PCDHA5: variants seen among roughly 807,000 people sequenced by gnomAD.
PCDHA5 encodes protocadherin alpha-5.
A neutral mutation model predicts 61.6 loss-of-function variants in PCDHA5; 43 were observed. That is an observed-to-expected ratio of 0.70 (90% CI 0.55 to 0.90). PCDHA5 has a LOEUF of 0.90. Among genes scored for constraint, PCDHA5 ranks in the 40% least tolerant of loss-of-function variants. The pLI, the probability that PCDHA5 is intolerant of heterozygous loss-of-function variation, is 0.00. For synonymous variants in PCDHA5, 627 were observed against 543.9 expected, an observed-to-expected ratio of 1.15 and a Z score of -2.13; for missense variants, 1,298 against 1,222.7, an observed-to-expected ratio of 1.06 and a Z score of -0.92.
Position 141,011,530 on chromosome 5 carries a change from T to A in PCDHA5, c.*1593T>A, listed in dbSNP as rs1427621980. 1 of 153,810 alleles carries A rather than the reference T, an allele frequency of 6.5e-6. No individual in the cohort carries two copies. The highest frequency in any genetic ancestry group is 1.5e-5 in the Non-Finnish European group (1 of 68,042). The allele number at this position is 153,810 out of a possible 1,614,324, so 9.5% of individuals were successfully genotyped here. A position where few individuals can be genotyped will look rare whatever the true frequency, so the allele number is the denominator to read the frequency against. On this transcript the variant is annotated 3_prime_UTR_variant, in exon 4 of 4. Coordinates refer to ENST00000529859, the MANE Select transcript of PCDHA5 (RefSeq NM_018908.3). ...TGGAGTAGTGTTTTTTTAACCATTG[T>A]TAATCAGCTTTTGTGTATGAAAGAC...
At chr5:140,862,045 A>T (rs544547077) in intron 1 of PCDHA5, 1 of 155,812 alleles carries the variant, frequency 6.4e-6, no homozygotes, top group South Asian at 2.0e-4. Context: ...AAACCGTCAC[A>T]TTGTTTCTTT....
intron 1 of PCDHA5, among the ~76,000 whole-genome samples, chr5:140,960,271 CA>C (rs1193468231): frequency 2.0e-5 from 3 of 152,182 alleles, no homozygotes; most frequent in Non-Finnish European, 4.4e-5. Flanking sequence ...TAAATTCCGT[CA>C]CCTTTTTGGG....
intron 1 of PCDHA5, among the ~76,000 whole-genome samples, chr5:140,933,313 C>T (rs977318847): frequency 3.9e-5 from 6 of 151,916 alleles, no homozygotes; most frequent in African/African-American, 1.4e-4. Context: ...TATGCAATCT[C>T]GTATTCTCCT....
chr5:140,891,009 A>AT (rs35053611), intron 1 of PCDHA5, among the ~76,000 whole-genome samples: 3 of 152,052 alleles, frequency 2.0e-5, no homozygotes, highest in East Asian at 3.9e-4. Context: ...ATTGAAAAGC[A>AT]TTTTTTCTGA....
chr5:140,831,524 T>G lies in PCDHA5; in HGVS notation c.2352+7397T>G, dbSNP rs1771606843. ...GAGCACCACCATGCCCCCCACCTTT[T>G]TTTTTTTTTTTTTTTTTTTTAAGAG... On this transcript the variant is annotated intron_variant, in intron 1 of 3. Coordinates refer to ENST00000529859, the MANE Select transcript of PCDHA5 (RefSeq NM_018908.3). Among the ~76,000 whole-genome samples, 5 of 26,740 alleles carry G rather than the reference T, an allele frequency of 1.9e-4. No individual in the cohort carries two copies. The South Asian group carries it at 4.8e-3, about 26-fold the overall frequency. 17.5% of individuals were successfully genotyped at this position (26,740 alleles called of 152,430 possible).
At chr5:140,882,988 G>A (rs782434208) in intron 1 of PCDHA5, 4 of 1,614,080 alleles carry the variant, frequency 2.5e-6, no homozygotes, top group Non-Finnish European at 3.4e-6. Context: ...ACAACGCCCC[G>A]GAATTTTACC....
Position 140,998,756 on chromosome 5 carries a change from G to A in PCDHA5, c.2501-10871G>A, listed in dbSNP as rs78235138. Among the ~76,000 whole-genome samples, 197 of 152,232 alleles carry A rather than the reference G, an allele frequency of 1.3e-3. 4 individuals carry two copies. In the East Asian group the frequency reaches 0.035, roughly 27 times the overall value. On this transcript the variant is annotated intron_variant, in intron 3 of 3. Coordinates refer to ENST00000529859, the MANE Select transcript of PCDHA5 (RefSeq NM_018908.3). Reference sequence around the variant, plus strand: ...ATTTTGTATTTTTAGAAGAGACACAGTTTCACTATGTTGGTCAGGCTGGTC... The same window carrying A: ...ATTTTGTATTTTTAGAAGAGACACAATTTCACTATGTTGGTCAGGCTGGTC...
chr5:140,904,265 T>C (rs2070995327), intron 1 of PCDHA5, among the ~76,000 whole-genome samples: 1 of 152,118 alleles, frequency 6.6e-6, no homozygotes, highest in Non-Finnish European at 1.5e-5. Context: ...CTCCCACTTA[T>C]GAATGAGAAC....
At chr5:140,986,532 C>G (rs1298199477) in intron 3 of PCDHA5, among the ~76,000 whole-genome samples, 2 of 152,184 alleles carry the variant, frequency 1.3e-5, no homozygotes, top group Non-Finnish European at 2.9e-5. Context: ...GGGAACTGGC[C>G]TGGCTTCAGT....
At chr5:140,829,920 A>G in intron 1 of PCDHA5, 2 of 1,613,998 alleles carry the variant, frequency 1.2e-6, no homozygotes, top group Non-Finnish European at 1.7e-6. Context: ...CTTTCGTATG[A>G]GCTGCAGCCC....
intron 3 of PCDHA5, among the ~76,000 whole-genome samples, chr5:140,993,523 CAGAG>C (rs111789518): frequency 3.4e-5 from 5 of 145,668 alleles, no homozygotes; most frequent in South Asian, 2.2e-4. Flanking sequence ...GAGAGAGAGA[CAGAG>C]AGAGAGAGAG....
intron 1 of PCDHA5, chr5:140,863,482 A>C (rs2048042905): frequency 4.3e-6 from 2 of 466,950 alleles, no homozygotes; most frequent in East Asian, 1.2e-4. Context: ...TCGCCTCCCA[A>C]GGTCAACATT....
rs2150264358 is a variant in PCDHA5 at position 140,836,572 on chromosome 5, G to A, written c.2352+12445G>A. On this transcript the variant is annotated intron_variant, in intron 1 of 3. Transcript: ENST00000529859. ...CGGTGCTCAGCGCCGTCCTCTGAGG[G>A]CGCATGTAGTTTGGTAAAGCCCACT... is the stretch of plus-strand genomic sequence containing the variant. The A allele has an allele frequency of 1.9e-6, 3 of 1,613,740 alleles. No homozygotes were observed. The highest frequency in any genetic ancestry group is 4.5e-5 in the East Asian group (2 of 44,838).
intron 1 of PCDHA5, among the ~76,000 whole-genome samples, chr5:140,915,255 A>G (rs2077044659): frequency 6.6e-6 from 1 of 152,018 alleles, no homozygotes; most frequent in African/African-American, 2.4e-5. Flanking sequence ...CCAGGTTGTT[A>G]TTATTTTTGA....
chr5:140,858,275 G>C (rs2045316714), intron 1 of PCDHA5: 2 of 1,597,458 alleles, frequency 1.3e-6, no homozygotes, highest in African/African-American at 1.3e-5. Context: ...CTCTAGCGCG[G>C]TGGGGAGCTG....
In PCDHA5 at chr5:140,823,959, G is replaced by A. The variant is rs2150130810; in HGVS notation, c.2184G>A (p.Glu728=). The change falls in exon 1 of 4, where the codon GAG becomes GAA. Residue 728 remains glutamate (E), a synonymous_variant. Coordinates refer to ENST00000529859, the MANE Select transcript of PCDHA5 (RefSeq NM_018908.3). ...TALRCSAQPT[E]AVCTRGKPTL... is the part of the protein sequence containing the mutation. ...TGCGGTGCTCGGCGCAGCCCACCGA[G>A]GCCGTGTGCACACGGGGCAAGCCCA... 177 of 1,613,954 alleles carry A rather than the reference G, an allele frequency of 1.1e-4. No individual in the cohort carries two copies. The highest frequency in any genetic ancestry group is 1.4e-4 in the Non-Finnish European group (165 of 1,180,014).
rs1490368496 is a variant in PCDHA5, at chr5:140,848,582, C to T, written c.2352+24455C>T. ...TCGCAATGTGGGTGGTGGGGAGCGG[C>T]CAGCTCCACTACTCCGTCCCGGAGG... is the stretch of plus-strand genomic sequence containing the variant. On this transcript the variant is annotated intron_variant, in intron 1 of 3. Transcript: ENST00000529859. 1.7e-5 allele frequency: 27 copies of T among 1,595,002 alleles called. 2 individuals carry two copies. Among genetic ancestry groups the T allele is most frequent in the African/African-American group, 6.7e-5 (5 of 74,374 alleles).
At chr5:140,879,173 G>T (rs1010561937) in intron 1 of PCDHA5, among the ~76,000 whole-genome samples, 2 of 152,160 alleles carry the variant, frequency 1.3e-5, no homozygotes, top group South Asian at 2.1e-4. Context: ...AATAAATTAG[G>T]TATCAAGTAA....
chr5:140,921,721 C>A (rs2080351320), intron 1 of PCDHA5, among the ~76,000 whole-genome samples: 2 of 152,068 alleles, frequency 1.3e-5, no homozygotes, highest in African/African-American at 4.8e-5. Context: ...ACACGAATTA[C>A]TCCCATAAAA....
Sources: allele counts gnomAD v4.1 joint callset (sites outside exome capture counted in the v4.1 genomes callset), GRCh38; gene constraint gnomAD v4.1.1; transcripts MANE v1.5; gene names NCBI Gene and HGNC (gene_info 2026-07-23, HGNC 2026-07-21).